ARHGAP20: variants seen among roughly 807,000 people sequenced by gnomAD.
The protein encoded by ARHGAP20 is rho GTPase-activating protein 20.
A neutral mutation model predicts 73.7 loss-of-function variants in ARHGAP20; 34 were observed. The ratio of observed to expected loss-of-function variants is 0.46; its 90% CI spans 0.35 to 0.61. The LOEUF is 0.61. Ranked by LOEUF, ARHGAP20 falls within the 20% of genes least tolerant of loss-of-function variation. The pLI is 0.00. For synonymous variants in ARHGAP20, 523 were observed against 518.2 expected, an observed-to-expected ratio of 1.01 and a Z score of -0.13; for missense variants, 1,314 against 1,420.9, an observed-to-expected ratio of 0.92 and a Z score of 1.21.
At chr11:110,622,652 A>T (rs535515642) in intron 4 of ARHGAP20, among the ~76,000 whole-genome samples, 3 of 152,068 alleles carry the variant, frequency 2.0e-5, no homozygotes, top group African/African-American at 7.2e-5. Context: ...TCTTTCTCTG[A>T]TTTTGTTTTT....
intron 1 of ARHGAP20, among the ~76,000 whole-genome samples, chr11:110,707,057 T>C (rs1021245478): frequency 6.6e-6 from 1 of 152,152 alleles, no homozygotes; most frequent in Non-Finnish European, 1.5e-5. Context: ...ATAAACAGAT[T>C]TGGACCCAGA....
At chr11:110,686,252 A>C (rs1368735782) in intron 2 of ARHGAP20, among the ~76,000 whole-genome samples, 1 of 152,110 alleles carries the variant, frequency 6.6e-6, no homozygotes, top group African/African-American at 2.4e-5. Context: ...AAATTCAAAG[A>C]CTTTCTTGAA....
chr11:110,598,694 G>T (rs1177355607), intron 9 of ARHGAP20, among the ~76,000 whole-genome samples: 1 of 152,174 alleles, frequency 6.6e-6, no homozygotes, highest in African/African-American at 2.4e-5. Context: ...AGTGGCTGCT[G>T]CCATCACACT....
chr11:110,695,216 A>C (rs575980510), intron 1 of ARHGAP20, among the ~76,000 whole-genome samples: 1 of 151,624 alleles, frequency 6.6e-6, no homozygotes, highest in South Asian at 2.1e-4. Flanking sequence ...TAAAAGTACC[A>C]GCTAAAAATT....
At chr11:110,664,758 A>G (rs1303124694) in intron 2 of ARHGAP20, among the ~76,000 whole-genome samples, 3 of 151,778 alleles carry the variant, frequency 2.0e-5, no homozygotes, top group African/African-American at 7.2e-5. Context: ...AAAAAGAAAG[A>G]AAGATATTGT....
At chr11:110,589,205 G>GTATTTTACATATACATATGTATTA (rs1248776766) in intron 11 of ARHGAP20, among the ~76,000 whole-genome samples, 6 of 152,156 alleles carry the variant, frequency 3.9e-5, no homozygotes, top group Non-Finnish European at 8.8e-5. Context: ...ATGCATATTT[G>GTATTTTACATATACATATGTATTA]TATTTTACAT....
chr11:110,670,343 G>T (rs1307363974), intron 2 of ARHGAP20, among the ~76,000 whole-genome samples: 1 of 151,816 alleles, frequency 6.6e-6, no homozygotes, highest in Non-Finnish European at 1.5e-5. Flanking sequence ...GACAGATCTA[G>T]GGGGAAAAAA....
chr11:110,617,257 TTTTC>T (rs1050303243), intron 4 of ARHGAP20, among the ~76,000 whole-genome samples: 1 of 151,904 alleles, frequency 6.6e-6, no homozygotes. Context: ...TTTATTTTCT[TTTTC>T]TTTCTTTTTT....
At chr11:110,664,897 CT>C (rs2135053143) in intron 2 of ARHGAP20, among the ~76,000 whole-genome samples, 1 of 152,178 alleles carries the variant, frequency 6.6e-6, no homozygotes, top group African/African-American at 2.4e-5. Context: ...AGAAATATAT[CT>C]TGTTCCTATG....
At chr11:110,632,232 A>AAT (rs901661468) in intron 2 of ARHGAP20, among the ~76,000 whole-genome samples, 1 of 152,104 alleles carries the variant, frequency 6.6e-6, no homozygotes, top group Admixed American at 6.5e-5. Flanking sequence ...GAGTAGGTAT[A>AAT]AGTTTAATTT....
At chr11:110,670,875 T>C (rs1411064543) in intron 2 of ARHGAP20, among the ~76,000 whole-genome samples, 1 of 151,856 alleles carries the variant, frequency 6.6e-6, no homozygotes, top group Non-Finnish European at 1.5e-5. Flanking sequence ...CCCCAAATTG[T>C]CAAGGAACAA....
At chr11:110,704,701 GA>G (rs201193810) in intron 1 of ARHGAP20, among the ~76,000 whole-genome samples, 2,332 of 152,236 alleles carry the variant, frequency 0.015, 35 homozygotes, top group Non-Finnish European at 0.027. Context: ...AACTCTATCC[GA>G]GTTTGTTTCA....
intron 1 of ARHGAP20, among the ~76,000 whole-genome samples, chr11:110,704,676 T>A (rs1314368054): frequency 6.6e-6 from 1 of 152,084 alleles, no homozygotes; most frequent in Non-Finnish European, 1.5e-5. Context: ...CGTAAGTAAA[T>A]AAAAGCTAAA....
At chr11:110,598,595 G>C (rs1002662739) in intron 9 of ARHGAP20, among the ~76,000 whole-genome samples, 9 of 152,148 alleles carry the variant, frequency 5.9e-5, no homozygotes. Flanking sequence ...ATTTTTTAAT[G>C]TGTTACACTA....
chr11:110,586,054 TCAA>T (rs1947656381), intron 12 of ARHGAP20, among the ~76,000 whole-genome samples, 159 bp downstream of exon 12: 2 of 152,174 alleles, frequency 1.3e-5, no homozygotes, highest in Non-Finnish European at 2.9e-5. Context: ...ATTACAATGT[TCAA>T]CTATAAGATT....
rs1947373665 is a variant in ARHGAP20 at position 110,579,427 on chromosome 11, G to A, written c.3519C>T (p.Asp1173=). ...TGTCGCAGACCACTGTAGGCCCTGA[G>A]TCTGGGCTGGTCGCATCCTCTAGAG... ...SWTLEDATSP[D]SGPTVVCDIE... Residue 1173 remains aspartate (D), a synonymous_variant, in exon 15 of 15, where the codon GAC becomes GAT. Transcript: ENST00000683387. The A allele has an allele frequency of 6.2e-7, 1 of 1,613,530 alleles. No homozygotes were observed.
At chr11:110,588,241 T>C (rs1211752577) in intron 11 of ARHGAP20, among the ~76,000 whole-genome samples, 1 of 152,184 alleles carries the variant, frequency 6.6e-6, no homozygotes, top group Non-Finnish European at 1.5e-5. Flanking sequence ...GTTGAATGTC[T>C]CCTCTCCTCC....
intron 4 of ARHGAP20, among the ~76,000 whole-genome samples, chr11:110,620,684 T>C (rs972301891): frequency 6.6e-6 from 1 of 152,210 alleles, no homozygotes; most frequent in Non-Finnish European, 1.5e-5. Flanking sequence ...ATTATAGTTT[T>C]TTAAAAAAAT....
At chr11:110,642,880 T>C (rs1218376227) in intron 2 of ARHGAP20, among the ~76,000 whole-genome samples, 1 of 152,132 alleles carries the variant, frequency 6.6e-6, no homozygotes, top group African/African-American at 2.4e-5. Context: ...TTTGTATGTC[T>C]GGTAGAATTC....
Sources: allele counts gnomAD v4.1 joint callset (sites outside exome capture counted in the v4.1 genomes callset), GRCh38; gene constraint gnomAD v4.1.1; transcripts MANE v1.5; gene names NCBI Gene and HGNC (gene_info 2026-07-23, HGNC 2026-07-21).